The following NTRK2 variants were observed in gnomAD, a reference collection of about 807,000 sequenced individuals.
NTRK2 encodes neurotrophic receptor tyrosine kinase 2.
A neutral mutation model predicts 94.5 loss-of-function variants in NTRK2; 13 were observed. The observed-to-expected ratio is 0.14, with a 90% confidence interval of 0.09 to 0.22. The LOEUF is 0.22. Ranked by LOEUF, NTRK2 falls within the 10% of genes least tolerant of loss-of-function variation. The pLI is 1.00. For missense variants in NTRK2, 639 were observed against 1,071.2 expected, an observed-to-expected ratio of 0.60 and a Z score of 5.63; for synonymous variants, 372 against 407.4, an observed-to-expected ratio of 0.91 and a Z score of 1.05.
intron 4 of NTRK2, among the ~76,000 whole-genome samples, chr9:84,702,650 T>C (rs1374846553): frequency 1.3e-5 from 2 of 152,356 alleles, no homozygotes; most frequent in East Asian, 3.9e-4. Context: ...GCCAGTTCCA[T>C]CTTGGACAGA....
intron 2 of NTRK2, among the ~76,000 whole-genome samples, chr9:84,693,846 G>A (rs2060203094): frequency 6.6e-6 from 1 of 152,136 alleles, no homozygotes; most frequent in Admixed American, 6.5e-5. Context: ...TATTTTCCAG[G>A]CACTCAAATT....
chr9:84,804,029 C>T (rs560439701), intron 12 of NTRK2, among the ~76,000 whole-genome samples: 21 of 152,236 alleles, frequency 1.4e-4, no homozygotes, highest in South Asian at 1.0e-3. Flanking sequence ...TATCTTAACA[C>T]GAATCCTAAA....
chr9:84,809,880 T>TG (rs1401828875), intron 12 of NTRK2, among the ~76,000 whole-genome samples: 4 of 69,948 alleles, frequency 5.7e-5, no homozygotes, highest in Non-Finnish European at 1.2e-4. Context: ...ATACTCTGTC[T>TG]GGAAAAAAAA....
chr9:84,867,431 T>G lies in NTRK2; in HGVS notation c.1633T>G (p.Phe545Val). The part of the protein sequence containing the change: ...ITNSQLKPDT[F>V]VQHIKRHNIV... ...CAACAGTCAGCTCAAGCCAGACACA[T>G]GTAAGTACAGCTGTTTGTACTTATT... The change falls in exon 14 of 19, where the codon TTT (phenylalanine) becomes GTT (valine). Residue 545 changes from phenylalanine (F) to valine (V), a missense_variant and splice_region_variant. Physicochemically the swap from Phe to Val is conservative, Grantham distance 50. Coordinates refer to ENST00000277120, the MANE Select transcript of NTRK2 (RefSeq NM_006180.6). 1.2e-6 allele frequency: 2 copies of G among 1,612,364 alleles called. No homozygotes were observed. The highest frequency in any genetic ancestry group is 1.7e-6 in the Non-Finnish European group (2 of 1,178,398).
chr9:84,819,552 GA>G (rs2072649472), intron 12 of NTRK2, among the ~76,000 whole-genome samples: 1 of 152,208 alleles, frequency 6.6e-6, no homozygotes, highest in Non-Finnish European at 1.5e-5. Context: ...CAACGCTGTT[GA>G]ATTGAATGCC....
intron 15 of NTRK2, among the ~76,000 whole-genome samples, chr9:84,937,622 G>A (rs2078255616): frequency 6.6e-6 from 1 of 151,918 alleles, no homozygotes; most frequent in South Asian, 2.1e-4. Context: ...GATGACCTTT[G>A]TTTTTTTAGT....
intron 12 of NTRK2, chr9:84,814,557 TG>T (rs2072178116): frequency 9.4e-7 from 1 of 1,065,804 alleles, no homozygotes; most frequent in Non-Finnish European, 1.1e-6. Context: ...ATTCCTCCAT[TG>T]CAAAATGGAA....
intron 12 of NTRK2, among the ~76,000 whole-genome samples, chr9:84,820,151 T>G (rs189751039): frequency 1.2e-4 from 18 of 151,340 alleles, no homozygotes; most frequent in Admixed American, 9.9e-4. Flanking sequence ...ATAGCTTACT[T>G]TTTTTCTTTC....
intron 12 of NTRK2, among the ~76,000 whole-genome samples, chr9:84,823,063 T>C (rs2072953180): frequency 6.6e-6 from 1 of 152,166 alleles, no homozygotes; most frequent in Admixed American, 6.5e-5. Flanking sequence ...GTCAGTTTCA[T>C]TGGTTAAAAG....
At chr9:85,018,909 T>C (rs919448024) in intron 17 of NTRK2, among the ~76,000 whole-genome samples, 1 of 152,202 alleles carries the variant, frequency 6.6e-6, no homozygotes, top group Admixed American at 6.5e-5. Context: ...TATTAAAAAC[T>C]GAATAGTAGA....
chr9:84,798,651 A>T (rs904069170), intron 12 of NTRK2, among the ~76,000 whole-genome samples: 2 of 152,172 alleles, frequency 1.3e-5, no homozygotes, highest in African/African-American at 4.8e-5. Flanking sequence ...AAGTTCCCGG[A>T]TACAGTGATA....
Position 84,948,620 on chromosome 9 carries a change from C to T in NTRK2, c.1923C>T (p.Leu641=), listed in dbSNP as rs751259997. ...TTGAGTACATGAAGCATGGGGACCTCAACAAGTTCCTCAGGTACAGTGAGG... is the reference window on the plus strand; with the variant it reads ...TTGAGTACATGAAGCATGGGGACCTTAACAAGTTCCTCAGGTACAGTGAGG... ...MVFEYMKHGD[L]NKFLRAHGPD... The change falls in exon 16 of 19, where the codon CTC becomes CTT. Residue 641 remains leucine (L), a synonymous_variant. Transcript: ENST00000277120. 1 of 1,614,096 alleles carries T rather than the reference C, an allele frequency of 6.2e-7. No homozygotes were observed. The highest frequency in any genetic ancestry group is 8.5e-7 in the Non-Finnish European group (1 of 1,180,024).
intron 9 of NTRK2, among the ~76,000 whole-genome samples, chr9:84,735,866 G>C (rs765801874): frequency 6.6e-6 from 1 of 152,214 alleles, no homozygotes; most frequent in Non-Finnish European, 1.5e-5. Context: ...AGACTGAGTG[G>C]AGATTAGAAG....
intron 16 of NTRK2, among the ~76,000 whole-genome samples, chr9:84,952,625 A>G (rs937205563): frequency 9.2e-5 from 14 of 152,186 alleles, no homozygotes; most frequent in African/African-American, 3.4e-4. Context: ...TTACAGCAGT[A>G]TGTTCTGCTC....
intron 12 of NTRK2, among the ~76,000 whole-genome samples, chr9:84,797,579 A>AC (rs1160049226): frequency 3.3e-5 from 3 of 92,050 alleles, no homozygotes; most frequent in African/African-American, 1.3e-4. Flanking sequence ...TATATATATT[A>AC]TATATACTAT....
chr9:84,930,723 C>A (rs2077995763), intron 14 of NTRK2, among the ~76,000 whole-genome samples: 1 of 152,080 alleles, frequency 6.6e-6, no homozygotes, highest in South Asian at 2.1e-4. Context: ...CATAAGCGAT[C>A]CACATTGGGA....
At chr9:84,670,095 C>T (rs2058607156) in intron 1 of NTRK2, among the ~76,000 whole-genome samples, 1 of 152,010 alleles carries the variant, frequency 6.6e-6, no homozygotes. Context: ...TTTAAAGGGT[C>T]CTTCGCCCGG....
intron 14 of NTRK2, among the ~76,000 whole-genome samples, chr9:84,890,319 C>T (rs960171238): frequency 6.6e-6 from 1 of 152,194 alleles, no homozygotes; most frequent in Non-Finnish European, 1.5e-5. Context: ...GGCCGTGACC[C>T]TTACCGTCCT....
At chr9:84,885,449 G>A (rs1017920931) in intron 14 of NTRK2, among the ~76,000 whole-genome samples, 3 of 152,084 alleles carry the variant, frequency 2.0e-5, no homozygotes, top group South Asian at 2.1e-4. Flanking sequence ...AACTGCATCC[G>A]GTGTTCTTTG....
Sources: allele counts gnomAD v4.1 joint callset (sites outside exome capture counted in the v4.1 genomes callset), GRCh38; gene constraint gnomAD v4.1.1; transcripts MANE v1.5; gene names NCBI Gene and HGNC (gene_info 2026-07-23, HGNC 2026-07-21).